The following VTCN1 variants were observed in gnomAD, a reference collection of about 807,000 sequenced individuals.
The protein encoded by VTCN1 is V-set domain containing T cell activation inhibitor 1, also known as V-set domain-containing T-cell activation inhibitor 1.
VTCN1 carries 26 observed loss-of-function variants against 26.5 expected under a neutral mutation model. That is an observed-to-expected ratio of 0.98 (90% confidence interval 0.72 to 1.36). The LOEUF (loss-of-function observed/expected upper bound fraction) is 1.36, where lower values mean the gene tolerates loss of function less well. Ranked by LOEUF, VTCN1 falls within the 40% of genes most tolerant of loss-of-function variation. The pLI is 0.00. For missense variants in VTCN1, 298 were observed against 337.7 expected, an observed-to-expected ratio of 0.88 and a Z score of 0.92; for synonymous variants, 116 against 130.7, an observed-to-expected ratio of 0.89 and a Z score of 0.77.
At chr1:117,193,740 A>G (rs1053038391) in intron 1 of VTCN1, among the ~76,000 whole-genome samples, 1 of 152,176 alleles carries the variant, frequency 6.6e-6, no homozygotes, top group Admixed American at 6.5e-5. Context: ...AATTCTACAG[A>G]CAAAATGGAC....
chr1:117,182,130 C>T (rs1404275725), intron 1 of VTCN1, among the ~76,000 whole-genome samples: 3 of 152,180 alleles, frequency 2.0e-5, no homozygotes, highest in East Asian at 3.9e-4. Flanking sequence ...GCCCTCAGAG[C>T]TTCTCTCTAC....
intron 3 of VTCN1, among the ~76,000 whole-genome samples, chr1:117,153,962 T>A (rs1027624053): frequency 5.9e-5 from 9 of 152,212 alleles, no homozygotes; most frequent in Non-Finnish European, 1.2e-4. Context: ...GCAGGAGAGT[T>A]AACTGCATTT....
intron 2 of VTCN1, among the ~76,000 whole-genome samples, chr1:117,163,731 T>G (rs1279672862): frequency 3.3e-5 from 5 of 152,140 alleles, no homozygotes; most frequent in African/African-American, 1.2e-4. Flanking sequence ...CATATTTTGC[T>G]GATACCCAGG....
Position 117,210,897 on chromosome 1 carries a change from G to A in VTCN1, c.-42C>T. The stretch of plus-strand genomic sequence containing the variant: ...CAGCGTATCTGGGTACTGGCTGAGT[G>A]GAGCTGCCGCTGCCTTCCTTGGTGA... On this transcript the variant is annotated 5_prime_UTR_variant, in exon 1 of 6. Transcript: ENST00000369458. 1 of 1,610,502 alleles carries A rather than the reference G, an allele frequency of 6.2e-7. No individual in the cohort carries two copies.
At chr1:117,210,180 G>A (rs190708470) in intron 1 of VTCN1, among the ~76,000 whole-genome samples, 1 of 152,014 alleles carries the variant, frequency 6.6e-6, no homozygotes, top group Admixed American at 6.6e-5. Context: ...GGTAGGGGAG[G>A]GAACTTGCTT....
intron 1 of VTCN1, among the ~76,000 whole-genome samples, chr1:117,205,524 G>C (rs1454448042): frequency 1.3e-5 from 2 of 152,086 alleles, no homozygotes; most frequent in Non-Finnish European, 2.9e-5. Context: ...ATCTAGAGCA[G>C]CTGCCTGAAG....
Position 117,175,941 on chromosome 1 carries a change from T to C in VTCN1, c.33-5770A>G, listed in dbSNP as rs1250001742. Among the ~76,000 whole-genome samples, 3 of 152,050 alleles carry C rather than the reference T, an allele frequency of 2.0e-5. No individual in the cohort carries two copies. On this transcript the variant is annotated intron_variant, in intron 1 of 5. Transcript: ENST00000369458. This position sits in a 1 kb window ranked among gnomAD's most constrained non-coding sequence, Gnocchi z 4.2. ...ACGTGCCACCACGCCCGGCTAATTT[T>C]TTATTTTTAGTAGAGACAGGGTTTC...
At chr1:117,188,884 T>C (rs1648098235) in intron 1 of VTCN1, among the ~76,000 whole-genome samples, 1 of 152,228 alleles carries the variant, frequency 6.6e-6, no homozygotes, top group South Asian at 2.1e-4. Flanking sequence ...ATTAACTAAA[T>C]ATAAACACAC....
chr1:117,153,292 G>C lies in VTCN1; in HGVS notation c.523C>G (p.Pro175Ala). 1 of 1,613,940 alleles carries C rather than the reference G, an allele frequency of 6.2e-7. No homozygotes were observed. The highest frequency in any genetic ancestry group is 8.5e-7 in the Non-Finnish European group (1 of 1,179,932). Residue 175 changes from proline to alanine, a missense_variant, in exon 4 of 6, where the codon CCC becomes GCC. Pro to Ala is a conservative substitution (Grantham distance 27). Transcript: ENST00000369458. ...TLRCEAPRWFPQPTVVWASQV... is the reference protein window; with the variant it reads ...TLRCEAPRWFAQPTVVWASQV... Reference sequence around the variant, plus strand: ...GATGCCCAGACCACTGTGGGCTGGGGGAACCATCGGGGAGCCTCACACCGC... The same window carrying C: ...GATGCCCAGACCACTGTGGGCTGGGCGAACCATCGGGGAGCCTCACACCGC...
intron 4 of VTCN1, among the ~76,000 whole-genome samples, 193 bp downstream of exon 4, chr1:117,152,898 G>A (rs1315309255): frequency 6.6e-6 from 1 of 151,960 alleles, no homozygotes; most frequent in Non-Finnish European, 1.5e-5. Context: ...TGACCTATAT[G>A]CCATACATAT....
chr1:117,208,089 G>T (rs559717725), intron 1 of VTCN1, among the ~76,000 whole-genome samples: 1 of 152,156 alleles, frequency 6.6e-6, no homozygotes, highest in Non-Finnish European at 1.5e-5. Context: ...TGCCTGTAAG[G>T]GCTCCTCATC....
At chr1:117,149,577 G>A (rs895210939) in intron 4 of VTCN1, among the ~76,000 whole-genome samples, 14 of 151,520 alleles carry the variant, frequency 9.2e-5, no homozygotes, top group East Asian at 1.9e-4. Flanking sequence ...AAACCCAGCC[G>A]GAACTCTGCC....
intron 2 of VTCN1, among the ~76,000 whole-genome samples, chr1:117,166,966 G>T (rs1189003230): frequency 1.3e-5 from 2 of 151,688 alleles, no homozygotes; most frequent in African/African-American, 4.8e-5. Context: ...GGTGGTGCAC[G>T]TCTGTAATCC....
intron 1 of VTCN1, among the ~76,000 whole-genome samples, chr1:117,186,338 T>C (rs1647943263): frequency 6.6e-6 from 1 of 152,206 alleles, no homozygotes; most frequent in Non-Finnish European, 1.5e-5. Context: ...AGGAGGCATT[T>C]TCTTAGTGTA....
At chr1:117,187,314 A>AG (rs1647995152) in intron 1 of VTCN1, among the ~76,000 whole-genome samples, 1 of 147,104 alleles carries the variant, frequency 6.8e-6, no homozygotes, top group Non-Finnish European at 1.5e-5. Flanking sequence ...TGTCTCAAAA[A>AG]AAAAAAAAAA....
Position 117,173,198 on chromosome 1 carries a change from C to T in VTCN1, c.33-3027G>A, listed in dbSNP as rs984012638. 2.5e-5 allele frequency: 18 copies of T among 715,942 alleles called. 1 individual carries two copies. Among genetic ancestry groups the T allele is most frequent in the African/African-American group, 1.0e-4 (6 of 57,198 alleles). 44.3% of individuals were successfully genotyped at this position (715,942 alleles called of 1,614,324 possible). A position where few individuals can be genotyped will look rare whatever the true frequency, so the allele number is the denominator to read the frequency against. On this transcript the variant is annotated intron_variant, in intron 1 of 5. Transcript: ENST00000369458. ...GCTGTAACACTCACCGCGAGGTCAG[C>T]GGCTTCATTCTTGAAGTCAGCAAGA...
chr1:117,167,933 T>TGA lies in VTCN1; in HGVS notation c.97+2172_97+2173dup, dbSNP rs953885456. Among the ~76,000 whole-genome samples the TGA allele has an allele frequency of 1.3e-5, 2 of 150,498 alleles. No individual in the cohort carries two copies. The highest frequency in any genetic ancestry group is 2.5e-5 in the African/African-American group (1 of 40,768). ...TACCTTATAAATCTATTTTAGTATA[T>TGA]GAGAGAGAGAGAAAGAGAGAGCAGA... On this transcript the variant is annotated intron_variant, in intron 2 of 5. Transcript: ENST00000369458. The surrounding 1 kb of genome is among the most constrained non-coding windows in gnomAD (Gnocchi z 4.1).
chr1:117,206,841 T>G (rs888585491), intron 1 of VTCN1, among the ~76,000 whole-genome samples: 3 of 152,242 alleles, frequency 2.0e-5, no homozygotes, highest in African/African-American at 7.2e-5. Flanking sequence ...CTACCCTCAA[T>G]AGGAGCAGGA....
rs141863434 is a variant in VTCN1 at position 117,155,838 on chromosome 1, C to A, written c.445+736G>T. On this transcript the variant is annotated intron_variant, in intron 3 of 5. Coordinates refer to ENST00000369458, the MANE Select transcript of VTCN1 (RefSeq NM_024626.4). This position sits in a 1 kb window ranked among gnomAD's most constrained non-coding sequence, Gnocchi z 4.8. ...GCTTTCCCATCCCTTCCCTCCTATG[C>A]ATTTGAACGGGATCTCTCTCTTCTT... Among the ~76,000 whole-genome samples, 17 of 152,306 alleles carry A rather than the reference C, an allele frequency of 1.1e-4. No individual in the cohort carries two copies. The East Asian group carries it at 3.3e-3, about 29-fold the overall frequency.
Sources: gnomAD v4.1 joint callset for allele counts (sites outside exome capture counted in the v4.1 genomes callset) on GRCh38, gnomAD v4.1.1 for gene constraint, Gnocchi (gnomAD v3.1) non-coding constraint, MANE v1.5 for transcripts, NCBI Gene and HGNC (gene_info 2026-07-23, HGNC 2026-07-21) for gene names.